CTNND2: variants seen among roughly 807,000 people sequenced by gnomAD.
The protein encoded by CTNND2 is catenin delta 2.
In CTNND2, 22 loss-of-function variants were observed where a neutral mutation model predicts 144.4. That is an observed-to-expected ratio of 0.15 (90% CI 0.11 to 0.22). The LOEUF (loss-of-function observed/expected upper bound fraction) is 0.22, where lower values mean the gene tolerates loss of function less well. Ranked by LOEUF, CTNND2 falls within the 10% of genes least tolerant of loss-of-function variation. CTNND2 has a pLI of 1.00. For missense variants in CTNND2, 1,353 were observed against 1,618.8 expected (o/e 0.84, Z 2.82); for synonymous variants, 751 against 695.6 (o/e 1.08, Z -1.25).
At chr5:11,454,571 A>C (rs1765571665) in intron 3 of CTNND2, among the ~76,000 whole-genome samples, 1 of 151,866 alleles carries the variant, frequency 6.6e-6, no homozygotes, top group Non-Finnish European at 1.5e-5. Flanking sequence ...ATAATGTAAT[A>C]GGATATTCAT....
At chr5:11,180,250 G>A (rs918418913) in intron 11 of CTNND2, among the ~76,000 whole-genome samples, 2 of 152,094 alleles carry the variant, frequency 1.3e-5, no homozygotes, top group African/African-American at 4.8e-5. Flanking sequence ...CCTCCACTAT[G>A]CTTCCTTTTG....
intron 3 of CTNND2, among the ~76,000 whole-genome samples, chr5:11,439,752 CT>C (rs1764086481): frequency 1.3e-5 from 1 of 79,644 alleles, no homozygotes; most frequent in Non-Finnish European, 3.1e-5. Flanking sequence ...ATCTATCTAT[CT>C]ATCTATCTAT....
intron 9 of CTNND2, among the ~76,000 whole-genome samples, chr5:11,283,673 C>CAAAAAAAAAAAAAAAAAAA (rs70947250): frequency 3.2e-5 from 1 of 31,590 alleles, no homozygotes; most frequent in Non-Finnish European, 5.8e-5. Context: ...GACTCCGTCT[C>CAAAAAAAAAAAAAAAAAAA]AAAAAAAAAA....
chr5:11,789,191 C>G (rs940308624), intron 1 of CTNND2, among the ~76,000 whole-genome samples: 1 of 152,096 alleles, frequency 6.6e-6, no homozygotes, highest in Admixed American at 6.6e-5. Flanking sequence ...CTAGAAATAC[C>G]ATTTGACCTA....
At chr5:11,231,489 G>A (rs1376108953) in intron 10 of CTNND2, among the ~76,000 whole-genome samples, 1 of 152,142 alleles carries the variant, frequency 6.6e-6, no homozygotes, top group East Asian at 1.9e-4. Context: ...GGAACTTCTT[G>A]GGAACTGGAG....
At chr5:11,086,117 AG>A (rs930715276) in intron 15 of CTNND2, among the ~76,000 whole-genome samples, 1 of 152,060 alleles carries the variant, frequency 6.6e-6, no homozygotes, top group African/African-American at 2.4e-5. Context: ...AGGGCTGCAG[AG>A]GGGTTACTTG....
intron 2 of CTNND2, among the ~76,000 whole-genome samples, chr5:11,581,345 C>T (rs950679754): frequency 2.0e-5 from 3 of 152,118 alleles, no homozygotes; most frequent in African/African-American, 7.2e-5. Flanking sequence ...CCCTGTGTAA[C>T]CTGCAAATTC....
At chr5:11,759,899 T>C (rs1487623059) in intron 1 of CTNND2, among the ~76,000 whole-genome samples, 1 of 152,070 alleles carries the variant, frequency 6.6e-6, no homozygotes, top group Non-Finnish European at 1.5e-5. Context: ...TGAACTCACA[T>C]GGCCTATGGT....
At chr5:11,590,190 C>T (rs1283367648) in intron 2 of CTNND2, among the ~76,000 whole-genome samples, 2 of 151,862 alleles carry the variant, frequency 1.3e-5, no homozygotes, top group East Asian at 2.0e-4. Context: ...GAACTACAGG[C>T]GCCCGTCACC....
chr5:11,033,096 T>C (rs1743659854), intron 16 of CTNND2, among the ~76,000 whole-genome samples: 1 of 152,208 alleles, frequency 6.6e-6, no homozygotes, highest in Non-Finnish European at 1.5e-5. Context: ...CAATTTCCTG[T>C]GAATCCATAA....
intron 3 of CTNND2, among the ~76,000 whole-genome samples, chr5:11,447,394 G>C (rs1365158143): frequency 6.6e-6 from 1 of 151,910 alleles, no homozygotes; most frequent in Admixed American, 6.6e-5. Context: ...TCTGGAGGGA[G>C]TGTAAATAGC....
chr5:11,038,259 A>G (rs1054209072), intron 16 of CTNND2, among the ~76,000 whole-genome samples: 2 of 152,170 alleles, frequency 1.3e-5, no homozygotes, highest in African/African-American at 4.8e-5. Flanking sequence ...CAGGCCACAC[A>G]GCAGGAGGTG....
chr5:11,263,315 T>G (rs1745104849), intron 9 of CTNND2, among the ~76,000 whole-genome samples: 1 of 152,200 alleles, frequency 6.6e-6, no homozygotes, highest in Non-Finnish European at 1.5e-5. Flanking sequence ...TTAATTTAAG[T>G]GTATTTTAAA....
intron 9 of CTNND2, among the ~76,000 whole-genome samples, chr5:11,248,994 A>C (rs560071173): frequency 3.3e-5 from 5 of 152,360 alleles, no homozygotes; most frequent in African/African-American, 1.2e-4. Context: ...AGAATCTAAC[A>C]AAATGTGGTC....
rs1753572487 is a variant in CTNND2 at position 11,334,814 on chromosome 5, G to T, written c.1628+11558C>A. ...CATGTGGAGCTTCATCTCTAAAGAG[G>T]CCCCCAAACTAAGGACCCTCCGGTA... On this transcript the variant is annotated intron_variant, in intron 9 of 21. Coordinates refer to ENST00000304623, the MANE Select transcript of CTNND2 (RefSeq NM_001332.4). 2.0e-5 allele frequency among the ~76,000 whole-genome samples: 3 copies of T among 152,096 alleles called. No individual in the cohort carries two copies. The South Asian group carries it at 6.2e-4, about 32-fold the overall frequency.
At chr5:11,285,446 G>T (rs937058481) in intron 9 of CTNND2, among the ~76,000 whole-genome samples, 2 of 152,184 alleles carry the variant, frequency 1.3e-5, no homozygotes, top group Non-Finnish European at 2.9e-5. Flanking sequence ...CAGAGCAGAA[G>T]ATCAAAGACA....
At chr5:11,756,804 T>C (rs1045132152) in intron 1 of CTNND2, among the ~76,000 whole-genome samples, 3 of 151,590 alleles carry the variant, frequency 2.0e-5, no homozygotes, top group African/African-American at 7.3e-5. Flanking sequence ...TATCCCATTG[T>C]ATTGATGTAA....
intron 9 of CTNND2, among the ~76,000 whole-genome samples, chr5:11,310,797 A>G (rs1246939755): frequency 4.7e-5 from 7 of 148,454 alleles, no homozygotes; most frequent in African/African-American, 1.7e-4. Context: ...CACTCCCCAT[A>G]CACCCTCACC....
At chr5:11,469,891 T>C (rs1220005264) in intron 3 of CTNND2, among the ~76,000 whole-genome samples, 1 of 152,150 alleles carries the variant, frequency 6.6e-6, no homozygotes, top group Non-Finnish European at 1.5e-5. Flanking sequence ...CCTGCCTCCA[T>C]TTAGTCTCAC....
Sources: allele counts gnomAD v4.1 joint callset (sites outside exome capture counted in the v4.1 genomes callset), GRCh38; gene constraint gnomAD v4.1.1; transcripts MANE v1.5; gene names NCBI Gene and HGNC (gene_info 2026-07-23, HGNC 2026-07-21).